ARRDC5: variants seen among roughly 807,000 people sequenced by gnomAD.
The protein encoded by ARRDC5 is arrestin domain-containing protein 5.
ARRDC5 carries 12 observed loss-of-function variants against 13.3 expected under a neutral mutation model. That is an observed-to-expected ratio of 0.90 (90% CI 0.58 to 1.46). ARRDC5 has a LOEUF of 1.46. Among genes scored for constraint, ARRDC5 ranks in the 40% most tolerant of loss-of-function variants. The probability of loss-of-function intolerance (pLI) is 0.00; values close to 1 mark genes in which losing one functional copy is unlikely to be tolerated. For missense variants in ARRDC5, 406 were observed against 418.7 expected (o/e 0.97, Z 0.26); for synonymous variants, 181 against 173.4 (o/e 1.04, Z -0.34).
chr19:4,908,749 C>T, the ARRDC5 span, among the ~76,000 whole-genome samples: 4 of 152,182 alleles, frequency 2.6e-5, no homozygotes, highest in African/African-American at 9.7e-5. Context: ...CATTTCTTGC[C>T]TGTCTCCCCC....
In ARRDC5 at chr19:4,896,691, G is replaced by C. The variant is rs1343619740; in HGVS notation, c.439C>G (p.His147Asp). The part of the protein sequence containing the change: ...YLLVQGTSTF[H>D]KETPFQNPLF... Reference sequence around the variant, plus strand: ...GGTACCTGGAATGGGGTTTCTTTGTGGAAGGTGGAAGTTCCTTGAACCAAT... The same window carrying C: ...GGTACCTGGAATGGGGTTTCTTTGTCGAAGGTGGAAGTTCCTTGAACCAAT... Residue 147 changes from histidine to aspartate, a missense_variant, in exon 2 of 3, where the codon CAC (histidine) becomes GAC (aspartate). By Grantham distance (81) the His-to-Asp change is moderately conservative (BLOSUM62 -1). Transcript: ENST00000650722. The C allele has an allele frequency of 4.3e-6, 7 of 1,612,762 alleles. No homozygotes were observed.
In ARRDC5 at chr19:4,891,342, G is replaced by C. The variant is rs2031498741; in HGVS notation, c.691C>G (p.Leu231Val). 6.2e-7 allele frequency: 1 copy of C among 1,613,688 alleles called. No homozygotes were observed. The highest frequency in any genetic ancestry group is 1.3e-5 in the African/African-American group (1 of 74,946). The change falls in exon 3 of 3, where the codon CTG (leucine) becomes GTG (valine). Residue 231 changes from leucine (L) to valine (V), a missense_variant. By Grantham distance (32) the Leu-to-Val change is conservative. Transcript: ENST00000650722. ...FTPSAERRSR[L>V]DSSELLRQEA... ...TGCCTCAGAAGCTCGCTGCTGTCCAGCCGAGACCGCCGCTCTGCACTGGGC... is the reference window on the plus strand; with the variant it reads ...TGCCTCAGAAGCTCGCTGCTGTCCACCCGAGACCGCCGCTCTGCACTGGGC...
At position 4,902,804 on chromosome 19, in the gene ARRDC5, C is replaced by T. The variant is rs769355284; in HGVS notation, c.22G>A (p.Glu8Lys). Residue 8 changes from glutamate (E) to lysine (K), a missense_variant, in exon 1 of 3, where the codon GAA becomes AAA. Physicochemically the swap from Glu to Lys is moderately conservative, Grantham distance 56. Coordinates refer to ENST00000650722, the MANE Select transcript of ARRDC5 (RefSeq NM_001080523.3). The part of the protein sequence containing the change: MSVVKSI[E>K]LVLPEDRIYL... ...ATTCTATCCTCGGGCAGCACTAATT[C>T]GATCGACTTCACCACAGACATGGGG... The T allele has an allele frequency of 5.6e-6, 9 of 1,613,904 alleles. No individual in the cohort carries two copies. Among genetic ancestry groups the T allele is most frequent in the East Asian group, 2.2e-5 (1 of 44,878 alleles).
chr19:4,909,379 C>G, the ARRDC5 span: 1 of 623,412 alleles, frequency 1.6e-6, no homozygotes, highest in East Asian at 3.3e-5. Flanking sequence ...CGGGGGCGCC[C>G]CCCACCCTCT....
chr19:4,896,538 T>C, intron 2 of ARRDC5, 133 bp downstream of exon 2: 1 of 659,458 alleles, frequency 1.5e-6, no homozygotes, highest in Non-Finnish European at 2.7e-6. Context: ...TTGTGAAATC[T>C]CGGGGCCTGG....
intron 2 of ARRDC5, among the ~76,000 whole-genome samples, chr19:4,894,297 G>A (rs998834408): frequency 1.3e-5 from 2 of 150,882 alleles, no homozygotes; most frequent in African/African-American, 4.9e-5. Context: ...GGATCACAAG[G>A]TCAGGAGATC....
the ARRDC5 span, among the ~76,000 whole-genome samples, chr19:4,914,642 C>T: frequency 1.3e-5 from 2 of 151,600 alleles, no homozygotes; most frequent in Non-Finnish European, 2.9e-5. Flanking sequence ...CATCTGCGGC[C>T]CCCACCCCTC....
At chr19:4,897,796 GC>G (rs1568397056) in intron 1 of ARRDC5, among the ~76,000 whole-genome samples, 1 of 152,176 alleles carries the variant, frequency 6.6e-6, no homozygotes, top group Non-Finnish European at 1.5e-5. Flanking sequence ...GGGATAATAG[GC>G]ACAAACTGGC....
the ARRDC5 span, chr19:4,909,456 C>G: frequency 3.1e-6 from 2 of 654,624 alleles, no homozygotes; most frequent in Admixed American, 4.6e-5. Context: ...CGGCCTCCTG[C>G]GGCCCCGCAA....
intron 1 of ARRDC5, among the ~76,000 whole-genome samples, chr19:4,902,071 G>C (rs1216404816): frequency 1.3e-5 from 2 of 152,020 alleles, no homozygotes; most frequent in African/African-American, 2.4e-5. Context: ...GTATTTTTTG[G>C]TAGAGATGGG....
chr19:4,915,771 C>T, the ARRDC5 span, among the ~76,000 whole-genome samples: 3 of 152,194 alleles, frequency 2.0e-5, no homozygotes, highest in African/African-American at 4.8e-5. Flanking sequence ...GAATTGTCCC[C>T]GTGGACATAG....
the ARRDC5 span, among the ~76,000 whole-genome samples, chr19:4,911,371 C>T: frequency 6.6e-6 from 1 of 152,122 alleles, no homozygotes; most frequent in Non-Finnish European, 1.5e-5. Context: ...GAGGAATTTT[C>T]GAGAAAGGGC....
the ARRDC5 span, chr19:4,909,781 G>A: frequency 4.3e-6 from 2 of 459,954 alleles, no homozygotes; most frequent in Non-Finnish European, 7.6e-6. Context: ...CCGGGATCCA[G>A]GGCCTCCCCT....
the ARRDC5 span, among the ~76,000 whole-genome samples, chr19:4,908,967 A>T: frequency 6.6e-6 from 1 of 152,096 alleles, no homozygotes; most frequent in Non-Finnish European, 1.5e-5. Flanking sequence ...AAGGCGGGAA[A>T]ACGAGGCGGG....
At position 4,902,695 on chromosome 19, in the gene ARRDC5, A is replaced by G. The variant is rs1320130654; in HGVS notation, c.131T>C (p.Leu44Pro). The G allele has an allele frequency of 6.2e-7, 1 of 1,613,914 alleles. No homozygotes were observed. Among genetic ancestry groups the G allele is most frequent in the East Asian group, 2.2e-5 (1 of 44,886 alleles). The part of the protein sequence containing the change: ...TLVDPIVKVE[L>P]VGRGYVEWSE... ...CCATTCGACGTAACCCCTTCCCACG[A>G]GCTCCACCTTCACTATGGGGTCCAC... Residue 44 changes from leucine (L) to proline (P), a missense_variant, in exon 1 of 3, where the codon CTC becomes CCC. Transcript: ENST00000650722.
intron 1 of ARRDC5, among the ~76,000 whole-genome samples, chr19:4,901,775 T>C (rs1430849812): frequency 2.0e-5 from 3 of 152,088 alleles, no homozygotes; most frequent in African/African-American, 7.2e-5. Flanking sequence ...ACATATAATT[T>C]CCCCGACAAC....
the ARRDC5 span, chr19:4,909,542 C>A: frequency 1.5e-6 from 1 of 658,520 alleles, no homozygotes; most frequent in Non-Finnish European, 2.7e-6. Context: ...GCCGAGCGGG[C>A]GCTCCGGGTC....
chr19:4,912,732 T>G, the ARRDC5 span, among the ~76,000 whole-genome samples: 6 of 152,100 alleles, frequency 3.9e-5, no homozygotes, highest in African/African-American at 1.4e-4. Context: ...AGCTCAGTAT[T>G]TGTTTTTGGT....
chr19:4,893,123 A>T (rs893002220), intron 2 of ARRDC5, among the ~76,000 whole-genome samples: 1 of 141,708 alleles, frequency 7.1e-6, no homozygotes, highest in African/African-American at 2.6e-5. Context: ...TATATATTAT[A>T]ATAATATAAT....
Sources: allele counts gnomAD v4.1 joint callset (sites outside exome capture counted in the v4.1 genomes callset), GRCh38; gene constraint gnomAD v4.1.1; transcripts MANE v1.5; gene names NCBI Gene and HGNC (gene_info 2026-07-23, HGNC 2026-07-21).